ZMYM4: variants seen among roughly 807,000 people sequenced by gnomAD.
ZMYM4 encodes the protein zinc finger MYM-type protein 4.
In ZMYM4, 31 loss-of-function variants were observed where a neutral mutation model predicts 183.2. The observed-to-expected ratio is 0.17, with a 90% CI of 0.13 to 0.23. ZMYM4 has a LOEUF of 0.23. Ranked by LOEUF, ZMYM4 falls within the 10% of genes least tolerant of loss-of-function variation. The pLI, the probability that ZMYM4 is intolerant of heterozygous loss-of-function variation, is 1.00. For missense variants in ZMYM4, 1,273 were observed against 1,840.3 expected (o/e 0.69, Z 5.64); for synonymous variants, 592 against 631.2 (o/e 0.94, Z 0.93).
chr1:35,393,460 C>A, intron 17 of ZMYM4, 135 bp from the exon 18 acceptor site: 1 of 736,338 alleles, frequency 1.4e-6, no homozygotes. Context: ...ATTTCTTATA[C>A]ATTTGGTTGA....
At chr1:35,351,040 G>A in intron 2 of ZMYM4, 1 of 878,538 alleles carries the variant, frequency 1.1e-6, no homozygotes, top group Non-Finnish European at 1.9e-6. Flanking sequence ...CTGGCCCGCA[G>A]CCTTCTCAAT....
In ZMYM4 at chr1:35,361,809, T is replaced by TC; in HGVS notation, c.840+26dup. 1.9e-6 allele frequency: 3 copies of TC among 1,589,042 alleles called. No individual in the cohort carries two copies. Among genetic ancestry groups the TC allele is most frequent in the East Asian group, 2.2e-5 (1 of 44,536 alleles). Reference sequence around the variant, plus strand: ...GCTCAAGTAAACATTTCACCTTTTTTCCCCCCTTCTTTTTGTTCCACACAT... The same window carrying TC: ...GCTCAAGTAAACATTTCACCTTTTTTCCCCCCCTTCTTTTTGTTCCACACAT... On this transcript the variant is annotated intron_variant, in intron 5 of 29. Coordinates refer to ENST00000314607, the MANE Select transcript of ZMYM4 (RefSeq NM_005095.3).
chr1:35,274,675 T>C (rs1280446132), intron 1 of ZMYM4, among the ~76,000 whole-genome samples: 1 of 151,920 alleles, frequency 6.6e-6, no homozygotes. Context: ...CTGAGTTGTT[T>C]TCACACGCTG....
At chr1:35,300,788 A>G (rs912383096) in intron 1 of ZMYM4, among the ~76,000 whole-genome samples, 3 of 151,886 alleles carry the variant, frequency 2.0e-5, no homozygotes, top group African/African-American at 7.3e-5. Context: ...TCATGCTTTC[A>G]CCTTTACCTT....
In ZMYM4 at chr1:35,268,769, T is replaced by C. The variant is rs1311894853; in HGVS notation, c.-278T>C. On this transcript the variant is annotated 5_prime_UTR_variant, in exon 1 of 30. Transcript: ENST00000314607. ...GAATTTCTCTGAGAGAAAATAATCC[T>C]ACTCACGGGGCCCCTTGGAGGCCAT... Among the ~76,000 whole-genome samples the C allele has an allele frequency of 1.3e-5, 2 of 152,194 alleles. No homozygotes were observed. The highest frequency in any genetic ancestry group is 4.8e-5 in the African/African-American group (2 of 41,458).
At chr1:35,401,900 A>G (rs975500807) in intron 23 of ZMYM4, among the ~76,000 whole-genome samples, 3 of 152,206 alleles carry the variant, frequency 2.0e-5, no homozygotes, top group Admixed American at 2.0e-4. Flanking sequence ...ACTCTGTTAA[A>G]AGTCAATCAT....
chr1:35,298,250 AT>A (rs1181573299), intron 1 of ZMYM4, among the ~76,000 whole-genome samples: 1 of 152,192 alleles, frequency 6.6e-6, no homozygotes, highest in Non-Finnish European at 1.5e-5. Flanking sequence ...TCTACGAAAA[AT>A]AAAAATATTA....
intron 5 of ZMYM4, among the ~76,000 whole-genome samples, chr1:35,368,830 G>A (rs762736265): frequency 2.0e-5 from 3 of 152,096 alleles, no homozygotes; most frequent in Non-Finnish European, 4.4e-5. Context: ...TGGTGCCATT[G>A]GAGCCGGAGG....
At chr1:35,345,878 A>G (rs1017137316) in intron 2 of ZMYM4, among the ~76,000 whole-genome samples, 4 of 152,244 alleles carry the variant, frequency 2.6e-5, no homozygotes, top group Admixed American at 6.5e-5. Context: ...TTGTTGTGCA[A>G]TCAGTCTGTA....
intron 7 of ZMYM4, among the ~76,000 whole-genome samples, chr1:35,380,401 T>C (rs904215946): frequency 6.6e-6 from 1 of 152,142 alleles, no homozygotes; most frequent in African/African-American, 2.4e-5. Context: ...AATCTTGGCT[T>C]ACTGCAAGCT....
intron 6 of ZMYM4, 35 bp from the exon 7 acceptor site, chr1:35,370,337 A>AGTT (rs1558100689): frequency 9.3e-7 from 1 of 1,077,298 alleles, no homozygotes; most frequent in African/African-American, 2.1e-5. Context: ...TTTTTCTTTC[A>AGTT]ATTTTTTTTT....
chr1:35,295,202 A>G (rs1254429270), intron 1 of ZMYM4, among the ~76,000 whole-genome samples: 1 of 152,242 alleles, frequency 6.6e-6, no homozygotes, highest in African/African-American at 2.4e-5. Context: ...GACAATAGAG[A>G]TACAGTGTAC....
At chr1:35,311,096 G>T (rs565900512) in intron 1 of ZMYM4, among the ~76,000 whole-genome samples, 1 of 152,148 alleles carries the variant, frequency 6.6e-6, no homozygotes, top group South Asian at 2.1e-4. Context: ...AGTGTTATCT[G>T]TCGCTATAGT....
intron 25 of ZMYM4, among the ~76,000 whole-genome samples, chr1:35,407,286 A>G (rs1168337627): frequency 6.6e-6 from 1 of 152,040 alleles, no homozygotes; most frequent in Non-Finnish European, 1.5e-5. Context: ...ATACAAAATT[A>G]TCTGGGCATG....
At chr1:35,377,452 A>G (rs774127635) in intron 7 of ZMYM4, among the ~76,000 whole-genome samples, 4 of 152,176 alleles carry the variant, frequency 2.6e-5, no homozygotes, top group Non-Finnish European at 5.9e-5. Flanking sequence ...TATATCTACT[A>G]TTTTACTGAA....
At chr1:35,384,961 G>A (rs1644544499) in intron 9 of ZMYM4, among the ~76,000 whole-genome samples, 1 of 150,176 alleles carries the variant, frequency 6.7e-6, no homozygotes, top group Admixed American at 6.7e-5. Context: ...TCCTGCCTCA[G>A]CCTCCTGAAT....
chr1:35,335,732 T>C (rs944419593), intron 2 of ZMYM4, among the ~76,000 whole-genome samples: 6 of 152,026 alleles, frequency 3.9e-5, no homozygotes, highest in African/African-American at 1.4e-4. Flanking sequence ...GGTGGGTGGA[T>C]CACGAGGTCA....
intron 2 of ZMYM4, among the ~76,000 whole-genome samples, chr1:35,356,861 G>C (rs1445970558): frequency 1.3e-5 from 2 of 152,004 alleles, no homozygotes; most frequent in African/African-American, 2.4e-5. Context: ...TTATGGAAGA[G>C]AGCAACTTGA....
intron 1 of ZMYM4, among the ~76,000 whole-genome samples, chr1:35,278,664 G>C (rs1043068287): frequency 6.6e-5 from 10 of 151,944 alleles, no homozygotes; most frequent in Admixed American, 2.0e-4. Context: ...CTCGTGATCT[G>C]CCCGCCTCGG....
Sources: gnomAD v4.1 joint callset for allele counts (sites outside exome capture counted in the v4.1 genomes callset) on GRCh38, gnomAD v4.1.1 for gene constraint, MANE v1.5 for transcripts, NCBI Gene and HGNC (gene_info 2026-07-23, HGNC 2026-07-21) for gene names.